TMEM204: variants seen among roughly 807,000 people sequenced by gnomAD.
TMEM204 encodes claudin-like protein 24.
Under a neutral mutation model 19.4 loss-of-function variants are expected in TMEM204, and 15 were observed. The observed-to-expected ratio is 0.77, with a 90% CI of 0.52 to 1.19. The LOEUF is 1.19. Among genes scored for constraint, TMEM204 ranks in the 50% most tolerant of loss-of-function variants. TMEM204 has a pLI of 0.00. For missense variants in TMEM204, 287 were observed against 321.2 expected, an observed-to-expected ratio of 0.89 and a Z score of 0.81; for synonymous variants, 161 against 146.0, an observed-to-expected ratio of 1.10 and a Z score of -0.74.
rs537449495 is a variant in TMEM204, at chr16:1,551,163, G to A, written c.437-3619G>A. Among the ~76,000 whole-genome samples, 8 of 152,350 alleles carry A rather than the reference G, an allele frequency of 5.3e-5. No homozygotes were observed. In the South Asian group the frequency reaches 8.3e-4, roughly 16 times the overall value. ...AACGATTAACTCAAAAAGTAATTGC[G>A]GAGAGACTTCTGGGAAGCTGTGGTC... On this transcript the variant is annotated intron_variant, in intron 2 of 2. Coordinates refer to ENST00000566264, the MANE Select transcript of TMEM204 (RefSeq NM_024600.6). The surrounding 1 kb of genome is among the most constrained non-coding windows in gnomAD (Gnocchi z 4.0).
At chr16:1,545,830 G>A (rs2032123389) in intron 2 of TMEM204, among the ~76,000 whole-genome samples, 1 of 152,222 alleles carries the variant, frequency 6.6e-6, no homozygotes, top group African/African-American at 2.4e-5. Flanking sequence ...GAATGTTTCT[G>A]GGCTCAGTGC....
rs377282223 is a variant in TMEM204, at chr16:1,554,914, T to C, written c.569T>C (p.Ile190Thr). The C allele has an allele frequency of 3.7e-6, 6 of 1,614,116 alleles. No individual in the cohort carries two copies. The African/African-American group carries it at 6.7e-5, about 18-fold the overall frequency. The change falls in exon 3 of 3, where the codon ATT becomes ACT. Residue 190 changes from isoleucine (I) to threonine (T), a missense_variant. Transcript: ENST00000566264. ...GCGGCAGCCATGCTCATCTGGAACA[T>C]TCTCCACAAGAGGGAGGACTGCATG... ...TLAAAMLIWN[I>T]LHKREDCMAP...
rs1596353869 is a variant in TMEM204, at chr16:1,553,652, T to G, written c.437-1130T>G. On this transcript the variant is annotated intron_variant, in intron 2 of 2. Transcript: ENST00000566264. This position sits in a 1 kb window ranked among gnomAD's most constrained non-coding sequence, Gnocchi z 4.4. ...GGTTACTGTAACAGAGAGGGAGGGG[T>G]GCTGGGTGGGCAGAAGCGGGGCTGG... 1.9e-6 allele frequency: 2 copies of G among 1,048,600 alleles called. No homozygotes were observed. Among genetic ancestry groups the G allele is most frequent in the South Asian group, 3.2e-5 (1 of 31,092 alleles). 65.0% of individuals were successfully genotyped at this position (1,048,600 alleles called of 1,614,324 possible). A position where few individuals can be genotyped will look rare whatever the true frequency, so the allele number is the denominator to read the frequency against.
chr16:1,546,115 T>C (rs1567353752), intron 2 of TMEM204, among the ~76,000 whole-genome samples: 2 of 152,178 alleles, frequency 1.3e-5, no homozygotes. Flanking sequence ...TTTGTGCAGA[T>C]AGGCACGGGC....
At chr16:1,550,821 A>G (rs903732034) in intron 2 of TMEM204, among the ~76,000 whole-genome samples, 3 of 152,216 alleles carry the variant, frequency 2.0e-5, no homozygotes, top group Non-Finnish European at 4.4e-5. Flanking sequence ...CAGTTCCCCA[A>G]GGAAAGTCAA....
At position 1,553,114 on chromosome 16, in the gene TMEM204, G is replaced by A. The variant is rs955103142; in HGVS notation, c.437-1668G>A. On this transcript the variant is annotated intron_variant, in intron 2 of 2. Transcript: ENST00000566264. This position sits in a 1 kb window ranked among gnomAD's most constrained non-coding sequence, Gnocchi z 4.4. The stretch of plus-strand genomic sequence containing the variant: ...TAATTCATACTTTCTGGAGGGTACA[G>A]TGATGATGAAAAGATAATGCTTGGG... 1.0e-5 allele frequency: 10 copies of A among 985,454 alleles called. No individual in the cohort carries two copies. The African/African-American group carries it at 1.0e-4, about 10-fold the overall frequency. The allele number at this position is 985,454 out of a possible 1,614,324, so 61.0% of individuals were successfully genotyped here.
chr16:1,549,196 C>T (rs145785414), intron 2 of TMEM204, among the ~76,000 whole-genome samples: 21 of 152,398 alleles, frequency 1.4e-4, no homozygotes, highest in Middle Eastern at 3.4e-3. Context: ...CCTAGTTGTG[C>T]TCCAAACAGA....
At chr16:1,543,761 C>A (rs945842613) in intron 2 of TMEM204, among the ~76,000 whole-genome samples, 1 of 152,194 alleles carries the variant, frequency 6.6e-6, no homozygotes, top group South Asian at 2.1e-4. Context: ...TAGGAAAGCT[C>A]CCACGGGGCC....
At position 1,551,833 on chromosome 16, in the gene TMEM204, T is replaced by C. The variant is rs2032666402; in HGVS notation, c.437-2949T>C. 6.6e-6 allele frequency among the ~76,000 whole-genome samples: 1 copy of C among 152,156 alleles called. No homozygotes were observed. The highest frequency in any genetic ancestry group is 1.5e-5 in the Non-Finnish European group (1 of 68,018). On this transcript the variant is annotated intron_variant, in intron 2 of 2. Transcript: ENST00000566264. The surrounding 1 kb of genome is among the most constrained non-coding windows in gnomAD (Gnocchi z 4.0). ...TCCCACCCGGGCTGGTTGCCCTGTG[T>C]TGCCTTAGAGTTTTCTTCCCGAGGT...
intron 2 of TMEM204, among the ~76,000 whole-genome samples, chr16:1,542,506 C>G (rs570404688): frequency 2.0e-5 from 3 of 152,252 alleles, no homozygotes; most frequent in Non-Finnish European, 2.9e-5. Context: ...CTGGCCCTGA[C>G]CTTCCCAGCT....
At chr16:1,547,028 G>A (rs1596341125) in intron 2 of TMEM204, among the ~76,000 whole-genome samples, 1 of 152,248 alleles carries the variant, frequency 6.6e-6, no homozygotes, top group Non-Finnish European at 1.5e-5. Flanking sequence ...TTTGCTATAA[G>A]TATGCTGGGC....
At chr16:1,544,863 T>C (rs1236889115) in intron 2 of TMEM204, among the ~76,000 whole-genome samples, 2 of 151,940 alleles carry the variant, frequency 1.3e-5, no homozygotes, top group Non-Finnish European at 2.9e-5. Flanking sequence ...TTAGCCAGGA[T>C]GGTCTCGATC....
At chr16:1,536,631 G>T (rs558113613) in intron 1 of TMEM204, among the ~76,000 whole-genome samples, 2 of 152,304 alleles carry the variant, frequency 1.3e-5, no homozygotes, top group Non-Finnish European at 2.9e-5. Context: ...TTTATTTTAA[G>T]ACAGAGTCTT....
intron 2 of TMEM204, 30 bp downstream of exon 2, chr16:1,542,106 G>C (rs371134643): frequency 3.9e-6 from 6 of 1,553,768 alleles, no homozygotes; most frequent in Non-Finnish European, 5.2e-6. Flanking sequence ...TGGCCACCGC[G>C]CCCTTGCCCC....
intron 2 of TMEM204, among the ~76,000 whole-genome samples, chr16:1,550,746 C>G (rs1337186760): frequency 6.6e-6 from 1 of 152,236 alleles, no homozygotes; most frequent in Admixed American, 6.5e-5. Flanking sequence ...GGGCAAGGCC[C>G]TGCCAAATGC....
intron 2 of TMEM204, among the ~76,000 whole-genome samples, chr16:1,547,948 A>G (rs904568986): frequency 2.6e-5 from 4 of 152,142 alleles, no homozygotes; most frequent in African/African-American, 9.7e-5. Context: ...AAGTGCTAGG[A>G]TGAAGGTGTG....
rs371092497 is a variant in TMEM204, at chr16:1,549,670, G to A, written c.437-5112G>A. Among the ~76,000 whole-genome samples, 15 of 152,172 alleles carry A rather than the reference G, an allele frequency of 9.9e-5. No homozygotes were observed. The East Asian group carries it at 2.1e-3, about 22-fold the overall frequency. Reference sequence around the variant, plus strand: ...TGGTCTCAAACTCCTGACCTCAGGTGATCCACCTGCCTCGGCCTCCCAAAG... The same window carrying A: ...TGGTCTCAAACTCCTGACCTCAGGTAATCCACCTGCCTCGGCCTCCCAAAG... On this transcript the variant is annotated intron_variant, in intron 2 of 2. Coordinates refer to ENST00000566264, the MANE Select transcript of TMEM204 (RefSeq NM_024600.6).
chr16:1,530,409 G>A (rs1423069115), upstream of TMEM204, among the ~76,000 whole-genome samples: 1 of 152,082 alleles, frequency 6.6e-6, no homozygotes, highest in Non-Finnish European at 1.5e-5. Flanking sequence ...TGGATTACAG[G>A]TGTGAGCCAC....
intron 2 of TMEM204, among the ~76,000 whole-genome samples, chr16:1,549,608 C>G (rs1200176924): frequency 6.6e-6 from 1 of 152,044 alleles, no homozygotes; most frequent in African/African-American, 2.4e-5. Flanking sequence ...ATTTTTGTAC[C>G]TTTAGTAGAG....
Sources: allele counts gnomAD v4.1 joint callset (sites outside exome capture counted in the v4.1 genomes callset), GRCh38; gene constraint gnomAD v4.1.1; non-coding constraint Gnocchi (gnomAD v3.1); transcripts MANE v1.5; gene names NCBI Gene and HGNC (gene_info 2026-07-23, HGNC 2026-07-21).